TDP1: variants seen among roughly 807,000 people sequenced by gnomAD.
TDP1 encodes the protein tyr-DNA phosphodiesterase 1.
In TDP1, 64 loss-of-function variants were observed where a neutral mutation model predicts 81.5. The ratio of observed to expected loss-of-function variants is 0.79; its 90% CI spans 0.64 to 0.97. The LOEUF is 0.97. TDP1 is among the 50% of genes least tolerant of loss of function. The probability of loss-of-function intolerance (pLI) is 0.00; values close to 1 mark genes in which losing one functional copy is unlikely to be tolerated. For missense variants in TDP1, 723 were observed against 743.8 expected (o/e 0.97, Z 0.33); for synonymous variants, 256 against 264.3 (o/e 0.97, Z 0.30).
At chr14:90,031,804 T>C (rs1228048869) in intron 15 of TDP1, among the ~76,000 whole-genome samples, 1 of 152,194 alleles carries the variant, frequency 6.6e-6, no homozygotes, top group Admixed American at 6.5e-5. Context: ...CACTCCCACC[T>C]GACCAAACTC....
chr14:89,966,397 A>T (rs1039171186), intron 4 of TDP1, among the ~76,000 whole-genome samples: 19 of 152,188 alleles, frequency 1.2e-4, no homozygotes, highest in African/African-American at 4.6e-4. Flanking sequence ...TCAGGAGAGC[A>T]TTTGACTCAA....
intron 8 of TDP1, chr14:89,983,419 AT>A (rs1268159731): frequency 4.8e-6 from 1 of 208,840 alleles, no homozygotes; most frequent in Non-Finnish European, 9.8e-6. Flanking sequence ...AGTTGAGAAG[AT>A]GTACGGCCGA....
intron 8 of TDP1, chr14:89,984,283 C>T: frequency 2.0e-6 from 2 of 985,274 alleles, no homozygotes; most frequent in Non-Finnish European, 2.4e-6. Flanking sequence ...GTGGGCAGAG[C>T]CCAGGTCTTA....
intron 15 of TDP1, among the ~76,000 whole-genome samples, chr14:90,020,295 CAG>C (rs965265209): frequency 4.7e-5 from 7 of 149,222 alleles, no homozygotes; most frequent in South Asian, 4.2e-4. Flanking sequence ...TACACACACA[CAG>C]AATACAGAAT....
At position 89,989,069 on chromosome 14, in the gene TDP1, A is replaced by G. The variant is rs1895883780; in HGVS notation, c.1296A>G (p.Lys432=). 3 of 1,613,950 alleles carry G rather than the reference A, an allele frequency of 1.9e-6. No homozygotes were observed. The highest frequency in any genetic ancestry group is 2.5e-6 in the Non-Finnish European group (3 of 1,179,980). The change falls in exon 11 of 17, where the codon AAA becomes AAG. Residue 432 remains lysine (K), a synonymous_variant. Transcript: ENST00000335725. Reference sequence around the variant, plus strand: ...GGAAGGAAAGCAAGACTCCAGGAAAAAGCTCTGTTCCTCTTTACTTGGTGA... The same window carrying G: ...GGAAGGAAAGCAAGACTCCAGGAAAGAGCTCTGTTCCTCTTTACTTGGTGA... The part of the protein sequence containing the change: ...TLGKESKTPG[K]SSVPLYLIYP...
intron 16 of TDP1, chr14:90,033,519 G>T (rs1212672454): frequency 2.6e-6 from 1 of 387,574 alleles, no homozygotes; most frequent in African/African-American, 2.1e-5. Context: ...CAAATCTACT[G>T]AGCACCATAG....
At chr14:90,013,179 C>T (rs570866116) in intron 14 of TDP1, among the ~76,000 whole-genome samples, 10 of 152,196 alleles carry the variant, frequency 6.6e-5, no homozygotes, top group South Asian at 6.2e-4. Context: ...GAATTAATGC[C>T]GAAATGAGTT....
chr14:89,960,132 G>T (rs1433562444), intron 2 of TDP1, among the ~76,000 whole-genome samples: 1 of 152,140 alleles, frequency 6.6e-6, no homozygotes, highest in Non-Finnish European at 1.5e-5. Context: ...TTCCTAAGGT[G>T]GTTCTTTTGT....
chr14:90,026,254 T>G (rs1372339876), intron 15 of TDP1, among the ~76,000 whole-genome samples: 2 of 152,238 alleles, frequency 1.3e-5, no homozygotes. Flanking sequence ...CTGACACCAA[T>G]GCTGCCTACC....
At chr14:89,966,388 C>T (rs1892951601) in intron 4 of TDP1, among the ~76,000 whole-genome samples, 198 bp downstream of exon 4, 1 of 152,162 alleles carries the variant, frequency 6.6e-6, no homozygotes, top group Non-Finnish European at 1.5e-5. Flanking sequence ...ATGTCACTAT[C>T]AGGAGAGCAT....
intron 14 of TDP1, among the ~76,000 whole-genome samples, chr14:90,005,180 A>G (rs982811995): frequency 6.6e-6 from 1 of 152,130 alleles, no homozygotes; most frequent in African/African-American, 2.4e-5. Context: ...CTCTTAAGAC[A>G]TTTGTTTCTG....
At chr14:89,994,529 A>G (rs963402935) in intron 14 of TDP1, among the ~76,000 whole-genome samples, 1 of 152,236 alleles carries the variant, frequency 6.6e-6, no homozygotes, top group Non-Finnish European at 1.5e-5. Flanking sequence ...CATTAAGGGA[A>G]GTGGAGATTA....
At chr14:90,042,807 A>G (rs891389670) in intron 16 of TDP1, 30 of 915,534 alleles carry the variant, frequency 3.3e-5, no homozygotes, top group Non-Finnish European at 3.9e-5. Context: ...ATATGTGGGA[A>G]TTATGAGAGC....
rs537463076 is a variant in TDP1, at chr14:89,977,178, A to C, written c.791+1363A>C. Among the ~76,000 whole-genome samples, 12 of 152,304 alleles carry C rather than the reference A, an allele frequency of 7.9e-5. No individual in the cohort carries two copies. In the South Asian group the frequency reaches 2.5e-3, roughly 32 times the overall value. On this transcript the variant is annotated intron_variant, in intron 7 of 16. Transcript: ENST00000335725. ...TCGAAAACAAAAGAAAATGCCTAGG[A>C]AAGTAATTACAGTTGAACTTTTCCC...
chr14:89,970,046 T>C (rs1212662927), intron 5 of TDP1, among the ~76,000 whole-genome samples: 3 of 151,274 alleles, frequency 2.0e-5, no homozygotes, highest in African/African-American at 2.4e-5. Flanking sequence ...CCGGCTAATT[T>C]TTTGTATTTT....
intron 15 of TDP1, 47 bp downstream of exon 15, chr14:90,019,465 T>C (rs556716796): frequency 1.1e-5 from 12 of 1,044,396 alleles, no homozygotes; most frequent in South Asian, 3.9e-5. Context: ...GGGAGATGAA[T>C]TGGGCTTTGT....
intron 15 of TDP1, 78 bp from the exon 16 acceptor site, chr14:90,033,028 C>A: frequency 8.4e-7 from 1 of 1,186,616 alleles, no homozygotes; most frequent in Non-Finnish European, 1.2e-6. Context: ...GATATTATTG[C>A]TTCTTGAGGC....
chr14:89,969,612 C>T (rs1170477888), intron 5 of TDP1, among the ~76,000 whole-genome samples: 1 of 151,980 alleles, frequency 6.6e-6, no homozygotes, highest in Middle Eastern at 3.2e-3. Flanking sequence ...TTTTTCTTAC[C>T]TAATTTCTAA....
intron 13 of TDP1, among the ~76,000 whole-genome samples, chr14:89,992,365 T>A (rs746752): frequency 0.21 from 31,813 of 152,182 alleles, 7,612 homozygotes; most frequent in African/African-American, 0.59. Context: ...GGCAGATTCT[T>A]TGCTGCCGTT....
Sources: allele counts gnomAD v4.1 joint callset (sites outside exome capture counted in the v4.1 genomes callset), GRCh38; gene constraint gnomAD v4.1.1; transcripts MANE v1.5; gene names NCBI Gene and HGNC (gene_info 2026-07-23, HGNC 2026-07-21).